Variants in GPM6A observed in about 807,000 individuals in gnomAD.
GPM6A encodes glycoprotein M6A.
A neutral mutation model predicts 32.1 loss-of-function variants in GPM6A; 7 were observed. The ratio of observed to expected loss-of-function variants is 0.22; its 90% CI spans 0.12 to 0.41. The LOEUF (loss-of-function observed/expected upper bound fraction) is 0.41. GPM6A is among the 10% of genes least tolerant of loss of function. The probability of loss-of-function intolerance (pLI) is 1.00; values close to 1 mark genes in which losing one functional copy is unlikely to be tolerated. For synonymous variants in GPM6A, 130 were observed against 123.4 expected (o/e 1.05, Z -0.35); for missense variants, 235 against 347.2 (o/e 0.68, Z 2.57).
At chr4:175,716,514 T>A (rs946946741) in intron 1 of GPM6A, among the ~76,000 whole-genome samples, 1 of 152,076 alleles carries the variant, frequency 6.6e-6, no homozygotes, top group Non-Finnish European at 1.5e-5. Flanking sequence ...TACAATAGAA[T>A]GCAACAAAGT....
rs1447362758 is a variant in GPM6A, at chr4:175,966,435, A to G, written c.-23+35874T>C. 2.0e-5 allele frequency among the ~76,000 whole-genome samples: 3 copies of G among 148,856 alleles called. No individual in the cohort carries two copies. In the East Asian group the frequency reaches 5.8e-4, roughly 29 times the overall value. ...AACAATAATAATATAATATATATATATTTCAAAATATTATATATATATATT... is the reference window on the plus strand; with the variant it reads ...AACAATAATAATATAATATATATATGTTTCAAAATATTATATATATATATT... On this transcript the variant is annotated intron_variant, in intron 1 of 7. Transcript: ENST00000280187.
intron 6 of GPM6A, among the ~76,000 whole-genome samples, chr4:175,637,966 A>G (rs1277304365): frequency 7.0e-6 from 1 of 142,082 alleles, no homozygotes; most frequent in East Asian, 2.0e-4. Flanking sequence ...GTGCTTCCTC[A>G]TGGTTCTTAC....
Position 175,782,931 on chromosome 4 carries a change from T to C in GPM6A, c.37+29260A>G, listed in dbSNP as rs559289276. On this transcript the variant is annotated intron_variant, in intron 1 of 6. Coordinates refer to ENST00000393658, the MANE Select transcript of GPM6A (RefSeq NM_201591.3). ...CTGAGTAAAATTAACACAGACATGG[T>C]AATATCCATATCTGTACTAGAAATC... 4.4e-4 allele frequency among the ~76,000 whole-genome samples: 63 copies of C among 143,184 alleles called. 1 individual carries two copies. Among genetic ancestry groups the C allele is most frequent in the Non-Finnish European group, 7.3e-4 (48 of 65,974 alleles). 93.9% of individuals were successfully genotyped at this position (143,184 alleles called of 152,430 possible). A position where few individuals can be genotyped will look rare whatever the true frequency, so the allele number is the denominator to read the frequency against.
At chr4:175,692,738 C>T (rs756961017) in intron 2 of GPM6A, among the ~76,000 whole-genome samples, 5 of 151,886 alleles carry the variant, frequency 3.3e-5, no homozygotes, top group African/African-American at 1.2e-4. Flanking sequence ...ATCCTTCTTA[C>T]CCCATGATAA....
intron 1 of GPM6A, among the ~76,000 whole-genome samples, chr4:175,760,654 T>C (rs1422899548): frequency 2.0e-5 from 3 of 152,138 alleles, no homozygotes; most frequent in Admixed American, 1.3e-4. Flanking sequence ...ATACTCTTCA[T>C]ATAAACTGAA....
At chr4:175,800,122 AG>A (rs1256942269) in intron 1 of GPM6A, among the ~76,000 whole-genome samples, 15 of 152,316 alleles carry the variant, frequency 9.8e-5, no homozygotes, top group African/African-American at 3.1e-4. Context: ...CAAAGTGGTT[AG>A]GAAGTCAATA....
chr4:175,682,081 G>C (rs1023324815), intron 2 of GPM6A, among the ~76,000 whole-genome samples: 1 of 152,092 alleles, frequency 6.6e-6, no homozygotes, highest in African/African-American at 2.4e-5. Context: ...AGGCTGACAA[G>C]GTCTCAGATG....
In GPM6A at chr4:175,634,975, G is replaced by A. The variant is rs1400985112; in HGVS notation, c.767C>T (p.Ser256Leu). The A allele has an allele frequency of 2.5e-6, 4 of 1,613,654 alleles. No individual in the cohort carries two copies. Among genetic ancestry groups the A allele is most frequent in the Non-Finnish European group, 3.4e-6 (4 of 1,179,664 alleles). ...GTCATGAAGCTCTTGCTCTTCCTTC[G>A]ACTTGATGTCTTCATACTTCTGCAT... is the stretch of plus-strand genomic sequence containing the variant. ...CRMQKYEDIK[S>L]KEEQELHDIH... The change falls in exon 7 of 7, where the codon TCG (serine) becomes TTG (leucine). Residue 256 changes from serine (S) to leucine (L), a missense_variant. This residue lies in a region of GPM6A where 27 missense variants were observed against 59.4 expected (regional missense o/e 0.45). Transcript: ENST00000393658.
chr4:175,874,276 G>A (rs1737010509), intron 1 of GPM6A, among the ~76,000 whole-genome samples: 1 of 152,110 alleles, frequency 6.6e-6, no homozygotes, highest in South Asian at 2.1e-4. Context: ...GTTAGAGAAA[G>A]AAAAAGTTCC....
chr4:175,663,626 C>A (rs1742561071), intron 3 of GPM6A, among the ~76,000 whole-genome samples: 1 of 151,236 alleles, frequency 6.6e-6, no homozygotes, highest in African/African-American at 2.4e-5. Context: ...ATATGTGGTA[C>A]AAAATAAATA....
At chr4:175,641,629 C>T (rs966864288) in intron 4 of GPM6A, 1 of 152,074 alleles carries the variant, frequency 6.6e-6, no homozygotes, top group Non-Finnish European at 1.5e-5. Flanking sequence ...CATTCTAATA[C>T]CTAAGATTTT....
intron 1 of GPM6A, among the ~76,000 whole-genome samples, chr4:175,754,583 G>C (rs1732458525): frequency 6.6e-6 from 1 of 152,022 alleles, no homozygotes; most frequent in Non-Finnish European, 1.5e-5. Context: ...TAAACTTTAG[G>C]ACTACATTGT....
At chr4:175,843,452 T>A (rs182849175) in intron 1 of GPM6A, among the ~76,000 whole-genome samples, 18 of 152,306 alleles carry the variant, frequency 1.2e-4, no homozygotes, top group African/African-American at 4.1e-4. Context: ...GTAATCCTAG[T>A]TCCATGACTG....
chr4:175,717,107 G>A (rs1366154633), intron 1 of GPM6A, among the ~76,000 whole-genome samples: 1 of 151,740 alleles, frequency 6.6e-6, no homozygotes, highest in Non-Finnish European at 1.5e-5. Flanking sequence ...GTGTGATCTC[G>A]CCAGCATCAT....
intron 1 of GPM6A, among the ~76,000 whole-genome samples, chr4:175,713,070 A>G (rs1396109353): frequency 6.6e-6 from 1 of 152,250 alleles, no homozygotes; most frequent in East Asian, 1.9e-4. Context: ...AAAGTCTAAC[A>G]TGCCATAAAG....
chr4:175,835,754 AATT>A (rs1247942435), intron 1 of GPM6A, among the ~76,000 whole-genome samples: 8 of 147,406 alleles, frequency 5.4e-5, no homozygotes, highest in Non-Finnish European at 1.0e-4. Context: ...TTTTTCAAAT[AATT>A]ATATTTACTA....
intron 1 of GPM6A, among the ~76,000 whole-genome samples, chr4:175,952,715 A>C (rs538870304): frequency 6.6e-6 from 1 of 152,114 alleles, no homozygotes; most frequent in African/African-American, 2.4e-5. Flanking sequence ...CTGTCCACCA[A>C]TGAGTCCAGT....
chr4:175,874,684 T>A (rs1333898166), intron 1 of GPM6A, among the ~76,000 whole-genome samples: 2 of 152,060 alleles, frequency 1.3e-5, no homozygotes, highest in Non-Finnish European at 2.9e-5. Flanking sequence ...GCTGTAATAA[T>A]GAGACTGAAG....
At position 175,645,715 on chromosome 4, in the gene GPM6A, C is replaced by T. The variant is rs992156599; in HGVS notation, c.542-4886G>A. On this transcript the variant is annotated intron_variant, in intron 4 of 6. Coordinates refer to ENST00000393658, the MANE Select transcript of GPM6A (RefSeq NM_201591.3). ...CAGCCTGGGCGACAGAGCAAGACTC[C>T]GTCTCAAAAAACAAACAAACAAACA... Among the ~76,000 whole-genome samples the T allele has an allele frequency of 2.6e-5, 4 of 151,982 alleles. No homozygotes were observed. The East Asian group carries it at 5.8e-4, about 22-fold the overall frequency.
Sources: gnomAD v4.1 joint callset for allele counts (sites outside exome capture counted in the v4.1 genomes callset) on GRCh38, gnomAD v4.1.1 for gene constraint, gnomAD v4.1.1 regional missense constraint, MANE v1.5 for transcripts, NCBI Gene and HGNC (gene_info 2026-07-23, HGNC 2026-07-21) for gene names.